CNTNAP5: variants seen among roughly 807,000 people sequenced by gnomAD.
CNTNAP5 encodes contactin-associated protein-like 5.
A neutral mutation model predicts 150.2 loss-of-function variants in CNTNAP5; 72 were observed. That is an observed-to-expected ratio of 0.48 (90% CI 0.40 to 0.58). The LOEUF (loss-of-function observed/expected upper bound fraction) is 0.58, where lower values mean the gene tolerates loss of function less well. Among genes scored for constraint, CNTNAP5 ranks in the 20% least tolerant of loss-of-function variants. The pLI is 0.00. For missense variants in CNTNAP5, 1,636 were observed against 1,626.2 expected (o/e 1.01, Z -0.10); for synonymous variants, 672 against 619.8 (o/e 1.08, Z -1.25).
intron 1 of CNTNAP5, among the ~76,000 whole-genome samples, chr2:124,045,226 G>T (rs987462968): frequency 6.6e-6 from 1 of 151,118 alleles, no homozygotes; most frequent in Non-Finnish European, 1.5e-5. Flanking sequence ...GTCTAGGTAA[G>T]TCTTCCACAT....
At chr2:124,343,761 G>T (rs1385369758) in intron 3 of CNTNAP5, among the ~76,000 whole-genome samples, 1 of 152,082 alleles carries the variant, frequency 6.6e-6, no homozygotes, top group Non-Finnish European at 1.5e-5. Context: ...TCCATTTTGT[G>T]TTGCTATATC....
chr2:124,307,908 C>T (rs1045247169), intron 3 of CNTNAP5, among the ~76,000 whole-genome samples: 1 of 152,186 alleles, frequency 6.6e-6, no homozygotes, highest in Middle Eastern at 3.2e-3. Flanking sequence ...AATGCCACTC[C>T]AGGCCTGCTG....
intron 17 of CNTNAP5, among the ~76,000 whole-genome samples, chr2:124,786,122 C>T (rs62171345): frequency 0.069 from 10,472 of 151,292 alleles, 585 homozygotes; most frequent in African/African-American, 0.15. Context: ...ATTAGCTGGT[C>T]GTGGTGGTGT....
intron 3 of CNTNAP5, among the ~76,000 whole-genome samples, chr2:124,288,581 T>G (rs1473514916): frequency 1.3e-5 from 2 of 152,188 alleles, no homozygotes; most frequent in Non-Finnish European, 2.9e-5. Flanking sequence ...TTATTTTGAG[T>G]TAACTTCCTT....
At chr2:124,336,945 G>A (rs1172301599) in intron 3 of CNTNAP5, among the ~76,000 whole-genome samples, 1 of 152,056 alleles carries the variant, frequency 6.6e-6, no homozygotes, top group Non-Finnish European at 1.5e-5. Context: ...CTGAGGAATC[G>A]CCACACTGAT....
At chr2:124,355,768 G>A (rs1250461843) in intron 3 of CNTNAP5, among the ~76,000 whole-genome samples, 1 of 152,132 alleles carries the variant, frequency 6.6e-6, no homozygotes, top group Non-Finnish European at 1.5e-5. Context: ...TCTAAACATA[G>A]AAAGGAAAGT....
chr2:124,578,964 C>T (rs371562487), intron 11 of CNTNAP5, among the ~76,000 whole-genome samples: 66 of 152,170 alleles, frequency 4.3e-4, no homozygotes, highest in Middle Eastern at 6.8e-3. Context: ...CTGTTGTGCA[C>T]ACTCAAGGGA....
chr2:124,180,679 A>C (rs1319678168), intron 1 of CNTNAP5, among the ~76,000 whole-genome samples: 1 of 152,180 alleles, frequency 6.6e-6, no homozygotes, highest in African/African-American at 2.4e-5. Context: ...GAAATCATTT[A>C]AAGAATTGTA....
chr2:124,588,957 G>A (rs930487109), intron 11 of CNTNAP5, among the ~76,000 whole-genome samples: 7 of 152,020 alleles, frequency 4.6e-5, no homozygotes, highest in South Asian at 2.1e-4. Flanking sequence ...AGTGTGTCCC[G>A]GGAGCCTGAA....
chr2:124,450,834 T>C (rs1178074210), intron 6 of CNTNAP5, among the ~76,000 whole-genome samples: 1 of 151,204 alleles, frequency 6.6e-6, no homozygotes, highest in African/African-American at 2.4e-5. Flanking sequence ...ATAGCTATTT[T>C]GTAAGCTCTT....
At chr2:124,660,943 C>CAAAAA (rs34511096) in intron 13 of CNTNAP5, among the ~76,000 whole-genome samples, 12 of 104,138 alleles carry the variant, frequency 1.2e-4, no homozygotes, top group Admixed American at 2.2e-4. Context: ...GACTGGGTCT[C>CAAAAA]AAAAAAAAAA....
In CNTNAP5 at chr2:124,417,472, C is replaced by T. The variant is rs375524808; in HGVS notation, c.411C>T (p.Ser137=). 4.4e-4 allele frequency: 704 copies of T among 1,613,874 alleles called. 3 individuals are homozygous for T. The South Asian group carries it at 6.9e-3, about 16-fold the overall frequency. Residue 137 remains serine, a synonymous_variant, in exon 4 of 24, where the codon AGC becomes AGT. Transcript: ENST00000682447. ...TTGCAGGAAACATGAATGCTGACAG[C>T]GTGGTGCACCACAAGCTATTGCACT... ...WTFAGNMNAD[S]VVHHKLLHSV... is the part of the protein sequence containing the mutation.
chr2:124,767,190 A>C (rs1460330896), intron 16 of CNTNAP5, among the ~76,000 whole-genome samples: 1 of 152,134 alleles, frequency 6.6e-6, no homozygotes, highest in Non-Finnish European at 1.5e-5. Flanking sequence ...TTTCCCTCTC[A>C]TCCGCAAGGA....
intron 2 of CNTNAP5, among the ~76,000 whole-genome samples, chr2:124,240,212 A>G (rs948699588): frequency 2.0e-5 from 3 of 152,172 alleles, no homozygotes; most frequent in East Asian, 1.9e-4. Context: ...CTTAAACACA[A>G]TAAGTGTTTA....
Position 124,563,258 on chromosome 2 carries a change from A to G in CNTNAP5, c.1691A>G (p.Gln564Arg). The G allele has an allele frequency of 6.3e-7, 1 of 1,593,886 alleles. No individual in the cohort carries two copies. The highest frequency in any genetic ancestry group is 8.6e-7 in the Non-Finnish European group (1 of 1,169,412). The stretch of plus-strand genomic sequence containing the variant: ...TGTGAACATGGAGGAAGCTGCTCCC[A>G]GTCCTGGACTACCTTCTATTGTAAC... The part of the protein sequence containing the change: ...NYCEHGGSCS[Q>R]SWTTFYCNCS... Residue 564 changes from glutamine to arginine, a missense_variant, in exon 11 of 24, where the codon CAG (glutamine) becomes CGG (arginine). Coordinates refer to ENST00000682447, the MANE Select transcript of CNTNAP5 (RefSeq NM_001367498.1).
intron 13 of CNTNAP5, among the ~76,000 whole-genome samples, chr2:124,690,377 C>G (rs1679276760): frequency 6.6e-6 from 1 of 152,058 alleles, no homozygotes; most frequent in South Asian, 2.1e-4. Flanking sequence ...AGTGTTTCCC[C>G]TCACTGAGCA....
At chr2:124,842,932 G>C (rs979019506) in intron 19 of CNTNAP5, among the ~76,000 whole-genome samples, 1 of 151,832 alleles carries the variant, frequency 6.6e-6, no homozygotes, top group Non-Finnish European at 1.5e-5. Flanking sequence ...GTAGGTTTTG[G>C]GGGAACAGGT....
chr2:124,097,615 T>C (rs561010774), intron 1 of CNTNAP5, among the ~76,000 whole-genome samples: 118 of 152,250 alleles, frequency 7.8e-4, no homozygotes, highest in Non-Finnish European at 1.5e-3. Context: ...CCTTTGTCCA[T>C]TGTTTCCCTA....
intron 6 of CNTNAP5, among the ~76,000 whole-genome samples, chr2:124,470,700 G>C (rs778840532): frequency 1.3e-5 from 2 of 151,894 alleles, no homozygotes; most frequent in South Asian, 4.1e-4. Flanking sequence ...TAGAGTTTTG[G>C]GTTTTACATT....
Sources: gnomAD v4.1 joint callset for allele counts (sites outside exome capture counted in the v4.1 genomes callset) on GRCh38, gnomAD v4.1.1 for gene constraint, MANE v1.5 for transcripts, NCBI Gene and HGNC (gene_info 2026-07-23, HGNC 2026-07-21) for gene names.